The following THRB variants were observed in gnomAD, a reference collection of about 807,000 sequenced individuals.
THRB encodes the protein nuclear receptor subfamily 1 group A member 2.
In THRB, 12 loss-of-function variants were observed where a neutral mutation model predicts 47.8. The ratio of observed to expected loss-of-function variants is 0.25; its 90% CI spans 0.16 to 0.41. The LOEUF (loss-of-function observed/expected upper bound fraction) is 0.41, where lower values mean the gene tolerates loss of function less well. Ranked by LOEUF, THRB falls within the 10% of genes least tolerant of loss-of-function variation. The probability of loss-of-function intolerance (pLI) is 1.00; values close to 1 mark genes in which losing one functional copy is unlikely to be tolerated. For synonymous variants in THRB, 218 were observed against 212.2 expected (o/e 1.03, Z -0.24); for missense variants, 348 against 589.2 (o/e 0.59, Z 4.24).
chr3:24,367,217 G>A (rs1357018673), intron 1 of THRB, among the ~76,000 whole-genome samples: 2 of 152,146 alleles, frequency 1.3e-5, no homozygotes, highest in Admixed American at 6.5e-5. Flanking sequence ...AGAGGTCAAC[G>A]AATACACTGA....
chr3:24,236,105 G>T (rs1429323916), intron 3 of THRB, among the ~76,000 whole-genome samples: 1 of 152,180 alleles, frequency 6.6e-6, no homozygotes, highest in Admixed American at 6.5e-5. Context: ...TCTCTTGGGG[G>T]TAAAAGTGGA....
chr3:24,342,025 T>G, intron 1 of THRB, among the ~76,000 whole-genome samples: 1 of 152,130 alleles, frequency 6.6e-6, no homozygotes, highest in Non-Finnish European at 1.5e-5. Context: ...CCAACTCTCA[T>G]ACTCATGAGC....
At chr3:24,448,522 T>C (rs1213243132) in intron 1 of THRB, among the ~76,000 whole-genome samples, 1 of 152,220 alleles carries the variant, frequency 6.6e-6, no homozygotes, top group African/African-American at 2.4e-5. Flanking sequence ...GGCCTTGTCC[T>C]GGTTTGTTCC....
chr3:24,442,402 G>A (rs1437540130), intron 1 of THRB, among the ~76,000 whole-genome samples: 2 of 152,164 alleles, frequency 1.3e-5, no homozygotes, highest in African/African-American at 4.8e-5. Flanking sequence ...AGAATATTCT[G>A]CAACAGTTCG....
Position 24,238,726 on chromosome 3 carries a change from A to G in THRB, c.-42-9725T>C, listed in dbSNP as rs375246566. ...TGCAGTGAGCTCCTTCAGATTTTTA[A>G]CCCTGGGATAAAAAGAATAATCTTC... On this transcript the variant is annotated intron_variant, in intron 3 of 10. Transcript: ENST00000646209. 3.0e-4 allele frequency among the ~76,000 whole-genome samples: 45 copies of G among 152,226 alleles called. 1 individual carries two copies. The highest frequency in any genetic ancestry group is 1.1e-3 in the African/African-American group (44 of 41,524).
chr3:24,374,591 T>C (rs1329618873), intron 1 of THRB, among the ~76,000 whole-genome samples: 1 of 152,128 alleles, frequency 6.6e-6, no homozygotes, highest in Non-Finnish European at 1.5e-5. Flanking sequence ...TCAAACCATA[T>C]AAAATGACTA....
intron 1 of THRB, among the ~76,000 whole-genome samples, chr3:24,429,088 T>C (rs923085921): frequency 2.6e-5 from 4 of 151,630 alleles, no homozygotes; most frequent in African/African-American, 9.7e-5. Context: ...CAATATCCCA[T>C]AAAATAGCCA....
chr3:24,415,015 A>G lies in THRB; in HGVS notation c.-260-77644T>C, dbSNP rs115058197. On this transcript the variant is annotated intron_variant, in intron 1 of 10. Coordinates refer to ENST00000646209, the MANE Select transcript of THRB (RefSeq NM_001354712.2). Reference sequence around the variant, plus strand: ...TTTCAAGTTTCTGCACATCTTGTGAATAGAGGTTCTGACTGCCTTTGTTCC... The same window carrying G: ...TTTCAAGTTTCTGCACATCTTGTGAGTAGAGGTTCTGACTGCCTTTGTTCC... 4.0e-3 allele frequency among the ~76,000 whole-genome samples: 612 copies of G among 151,964 alleles called. 4 individuals are homozygous for G. The highest frequency in any genetic ancestry group is 0.014 in the African/African-American group (576 of 41,532).
At chr3:24,205,083 C>T (rs557392022) in intron 4 of THRB, among the ~76,000 whole-genome samples, 1 of 152,074 alleles carries the variant, frequency 6.6e-6, no homozygotes, top group East Asian at 1.9e-4. Context: ...CACTCTGCAG[C>T]ATATTATCCA....
At chr3:24,265,679 T>C (rs1199582303) in intron 3 of THRB, among the ~76,000 whole-genome samples, 1 of 152,176 alleles carries the variant, frequency 6.6e-6, no homozygotes, top group African/African-American at 2.4e-5. Flanking sequence ...AAGATTTATA[T>C]AGAAGGATGT....
chr3:24,254,923 CCTCT>C (rs1248431038), intron 3 of THRB, among the ~76,000 whole-genome samples: 2 of 152,130 alleles, frequency 1.3e-5, no homozygotes, highest in Non-Finnish European at 2.9e-5. Flanking sequence ...CTTCAGTTTT[CCTCT>C]CTAATAACAT....
chr3:24,337,430 T>G (rs755090682), intron 1 of THRB, 59 bp from the exon 2 acceptor site: 1 of 152,208 alleles, frequency 6.6e-6, no homozygotes, highest in Non-Finnish European at 1.5e-5. Flanking sequence ...TTTCCCAACA[T>G]TCGATTAATC....
chr3:24,301,157 G>C (rs2056909903), intron 2 of THRB, among the ~76,000 whole-genome samples: 1 of 152,192 alleles, frequency 6.6e-6, no homozygotes, highest in Non-Finnish European at 1.5e-5. Context: ...TTCACTCCTA[G>C]AGCCTTCAGA....
At chr3:24,301,849 A>G (rs1166245798) in intron 2 of THRB, among the ~76,000 whole-genome samples, 1 of 152,212 alleles carries the variant, frequency 6.6e-6, no homozygotes, top group African/African-American at 2.4e-5. Context: ...TGAATCCTTG[A>G]GCGGCAGATG....
chr3:24,292,918 A>G (rs2056083874), intron 3 of THRB, among the ~76,000 whole-genome samples: 1 of 152,224 alleles, frequency 6.6e-6, no homozygotes, highest in African/African-American at 2.4e-5. Flanking sequence ...GAAAAAAAAC[A>G]GAACTTTGGC....
At chr3:24,360,533 T>C (rs1226378162) in intron 1 of THRB, among the ~76,000 whole-genome samples, 1 of 152,182 alleles carries the variant, frequency 6.6e-6, no homozygotes, top group African/African-American at 2.4e-5. Flanking sequence ...CATGGAGAAC[T>C]GCTTTTTACC....
rs115289771 is a variant in THRB, at chr3:24,456,879, G to C, written c.-261+37773C>G. ...AGTAAAGAGGCAAAGGTGGTGAACT[G>C]TGATTCTATCTAATTTCTGATTTTT... On this transcript the variant is annotated intron_variant, in intron 1 of 10. Coordinates refer to ENST00000646209, the MANE Select transcript of THRB (RefSeq NM_001354712.2). Among the ~76,000 whole-genome samples the C allele has an allele frequency of 5.9e-3, 890 of 152,088 alleles. 7 individuals are homozygous for C. The highest frequency in any genetic ancestry group is 0.015 in the African/African-American group (617 of 41,502).
intron 3 of THRB, among the ~76,000 whole-genome samples, chr3:24,277,361 T>C (rs1429548686): frequency 1.3e-5 from 2 of 152,156 alleles, no homozygotes; most frequent in Non-Finnish European, 2.9e-5. Context: ...AAAATGTCAG[T>C]AATGCCAATC....
chr3:24,257,961 G>C (rs2051478756), intron 3 of THRB, among the ~76,000 whole-genome samples: 1 of 152,200 alleles, frequency 6.6e-6, no homozygotes, highest in Non-Finnish European at 1.5e-5. Context: ...TTCCAAAATA[G>C]TGAGTGCATG....
Sources: allele counts gnomAD v4.1 joint callset (sites outside exome capture counted in the v4.1 genomes callset), GRCh38; gene constraint gnomAD v4.1.1; transcripts MANE v1.5; gene names NCBI Gene and HGNC (gene_info 2026-07-23, HGNC 2026-07-21).